The following COL9A2 variants were observed in gnomAD, a reference collection of about 807,000 sequenced individuals.
COL9A2 encodes collagen alpha-2(IX) chain.
A neutral mutation model predicts 111.6 loss-of-function variants in COL9A2; 66 were observed. The ratio of observed to expected loss-of-function variants is 0.59; its 90% CI spans 0.48 to 0.73. The LOEUF (loss-of-function observed/expected upper bound fraction) is 0.73, where lower values mean the gene tolerates loss of function less well. COL9A2 is among the 30% of genes least tolerant of loss of function. COL9A2 has a pLI of 0.00. For missense variants in COL9A2, 881 were observed against 954.1 expected (o/e 0.92, Z 1.01); for synonymous variants, 353 against 364.1 (o/e 0.97, Z 0.35).
chr1:40,302,933 CTTCCG>C lies in COL9A2; in HGVS notation c.1604-129_1604-125del. 8.7e-7 allele frequency: 1 copy of C among 1,152,712 alleles called. No individual in the cohort carries two copies. Among genetic ancestry groups the C allele is most frequent in the Non-Finnish European group, 1.2e-6 (1 of 800,270 alleles). The allele number at this position is 1,152,712 out of a possible 1,614,324, so 71.4% of individuals were successfully genotyped here. ...AGGTTTGCAGACAGAAAAGCACCAC[CTTCCG>C]TGGGCTCTGTTTTGCGGAAGTCAAA... is the stretch of plus-strand genomic sequence containing the variant. On this transcript the variant is annotated intron_variant, in intron 29 of 31. Transcript: ENST00000372748. The surrounding 1 kb of genome is among the most constrained non-coding windows in gnomAD (Gnocchi z 4.5).
Position 40,309,817 on chromosome 1 carries a change from C to T in COL9A2, c.846+121G>A, listed in dbSNP as rs1429650905. On this transcript the variant is annotated intron_variant, in intron 16 of 31. Transcript: ENST00000372748. Reference sequence around the variant, plus strand: ...CACACACACTACACACTCACACACACTACACATTCACACTCACGCACACAC... The same window carrying T: ...CACACACACTACACACTCACACACATTACACATTCACACTCACGCACACAC... 7.4e-6 allele frequency: 7 copies of T among 947,024 alleles called. No homozygotes were observed. In the African/African-American group the frequency reaches 9.6e-5, roughly 13 times the overall value. 58.7% of individuals were successfully genotyped at this position (947,024 alleles called of 1,614,324 possible). A position where few individuals can be genotyped will look rare whatever the true frequency, so the allele number is the denominator to read the frequency against.
At position 40,317,071 on chromosome 1, in the gene COL9A2, A is replaced by C; in HGVS notation, c.75+52T>G. The C allele has an allele frequency of 6.6e-7, 1 of 1,515,250 alleles. No individual in the cohort carries two copies. The highest frequency in any genetic ancestry group is 9.0e-7 in the Non-Finnish European group (1 of 1,114,246). 93.9% of individuals were successfully genotyped at this position (1,515,250 alleles called of 1,614,324 possible). On this transcript the variant is annotated intron_variant, in intron 1 of 31. Transcript: ENST00000372748. This position sits in a 1 kb window ranked among gnomAD's most constrained non-coding sequence, Gnocchi z 4.3. The stretch of plus-strand genomic sequence containing the variant: ...CACAGGCAGAGCTCCTCCATCCCGG[A>C]CTCCAGACCCCGCACCCTGGACCCT...
Position 40,303,890 on chromosome 1 carries a change from G to A in COL9A2, c.1368+38C>T. ...CGAAGCCGCGGGGACCCCGGGGCCA[G>A]CCGCCGCTCCCCGCCCTTCCCTAGG... On this transcript the variant is annotated intron_variant, in intron 26 of 31. Coordinates refer to ENST00000372748, the MANE Select transcript of COL9A2 (RefSeq NM_001852.4). The surrounding 1 kb of genome is among the most constrained non-coding windows in gnomAD (Gnocchi z 4.6). 6.5e-7 allele frequency: 1 copy of A among 1,549,020 alleles called. No individual in the cohort carries two copies. Among genetic ancestry groups the A allele is most frequent in the East Asian group, 2.4e-5 (1 of 40,972 alleles).
Position 40,314,153 on chromosome 1 carries a change from G to T in COL9A2, c.249+52C>A, listed in dbSNP as rs1644177423. The T allele has an allele frequency of 1.9e-6, 3 of 1,587,318 alleles. No individual in the cohort carries two copies. The highest frequency in any genetic ancestry group is 2.6e-6 in the Non-Finnish European group (3 of 1,156,404). On this transcript the variant is annotated intron_variant, in intron 4 of 31. Coordinates refer to ENST00000372748, the MANE Select transcript of COL9A2 (RefSeq NM_001852.4). The surrounding 1 kb of genome is among the most constrained non-coding windows in gnomAD (Gnocchi z 4.1). Reference sequence around the variant, plus strand: ...GTGAAGATGCCAGAGCCAGGCCCTGGAGGTCAATTGGCAGAGCCCTACCCT... The same window carrying T: ...GTGAAGATGCCAGAGCCAGGCCCTGTAGGTCAATTGGCAGAGCCCTACCCT...
chr1:40,306,019 G>T, intron 20 of COL9A2, 124 bp downstream of exon 20: 1 of 1,122,292 alleles, frequency 8.9e-7, no homozygotes, highest in Non-Finnish European at 1.3e-6. Flanking sequence ...GGAGGGAGGT[G>T]GTTAGGCCCA....
chr1:40,303,630 G>C lies in COL9A2; in HGVS notation c.1448C>G (p.Ala483Gly). The change falls in exon 28 of 32, where the codon GCG becomes GGG. Residue 483 changes from alanine to glycine, a missense_variant. Coordinates refer to ENST00000372748, the MANE Select transcript of COL9A2 (RefSeq NM_001852.4). The surrounding 1 kb of genome is among the most constrained non-coding windows in gnomAD (Gnocchi z 4.6). ...GTAGCCCTGAACCCCTGGGGCGCCC[G>C]CATCCCCGCTGGGGCCAGGGTAGCC... ...EPGYPGPSGD[A>G]GAPGVQGYPG... The C allele has an allele frequency of 1.3e-6, 2 of 1,592,990 alleles. No homozygotes were observed. The highest frequency in any genetic ancestry group is 1.7e-6 in the Non-Finnish European group (2 of 1,170,838).
At chr1:40,315,174 G>T (rs1275255639) in intron 2 of COL9A2, 1 of 981,468 alleles carries the variant, frequency 1.0e-6, no homozygotes, top group Non-Finnish European at 1.2e-6. Context: ...AGAGAAAACC[G>T]AAGGGAAGAG....
Position 40,311,418 on chromosome 1 carries a change from A to AC in COL9A2, c.519+81dup. The AC allele has an allele frequency of 1.9e-6, 3 of 1,542,046 alleles. No homozygotes were observed. The highest frequency in any genetic ancestry group is 2.6e-6 in the Non-Finnish European group (3 of 1,133,602). ...GCAGCCCCTCCCCATCTCTCCAGAC[A>AC]CCCCCATCTCCGTGGCCCCGCCTCC... is the stretch of plus-strand genomic sequence containing the variant. On this transcript the variant is annotated intron_variant, in intron 10 of 31. Coordinates refer to ENST00000372748, the MANE Select transcript of COL9A2 (RefSeq NM_001852.4). The surrounding 1 kb of genome is among the most constrained non-coding windows in gnomAD (Gnocchi z 5.1).
chr1:40,307,371 C>A lies in COL9A2; in HGVS notation c.1008+75G>T. 7.0e-7 allele frequency: 1 copy of A among 1,423,258 alleles called. No individual in the cohort carries two copies. Among genetic ancestry groups the A allele is most frequent in the Middle Eastern group, 1.8e-4 (1 of 5,426 alleles). 88.2% of individuals were successfully genotyped at this position (1,423,258 alleles called of 1,614,324 possible). ...CAAGAGGTGGTGATTGAGCAAGAGC[C>A]CCGGGTGTGTGTGGATTCTAACCTC... On this transcript the variant is annotated intron_variant, in intron 19 of 31. Transcript: ENST00000372748. This position sits in a 1 kb window ranked among gnomAD's most constrained non-coding sequence, Gnocchi z 4.8.
At chr1:40,306,070 G>T in intron 20 of COL9A2, 73 bp downstream of exon 20, 1 of 1,566,230 alleles carries the variant, frequency 6.4e-7, no homozygotes. Context: ...ACTTGGCTGA[G>T]GCCTGGGCCT....
In COL9A2 at chr1:40,302,008, A is replaced by G. The variant is rs766082169; in HGVS notation, c.1793-119T>C. ...TTTGTGCTAGTTTGTAATAGAGGAA[A>G]GTTGGAAATGGTCACGCAGGGCTTG... On this transcript the variant is annotated intron_variant, in intron 30 of 31. Transcript: ENST00000372748. This position sits in a 1 kb window ranked among gnomAD's most constrained non-coding sequence, Gnocchi z 4.5. 12 of 1,041,208 alleles carry G rather than the reference A, an allele frequency of 1.2e-5. No homozygotes were observed. Among genetic ancestry groups the G allele is most frequent in the Admixed American group, 6.0e-5 (3 of 49,950 alleles). The allele number at this position is 1,041,208 out of a possible 1,614,324, so 64.5% of individuals were successfully genotyped here. A position where few individuals can be genotyped will look rare whatever the true frequency, so the allele number is the denominator to read the frequency against.
chr1:40,304,221 C>A, intron 24 of COL9A2, 99 bp downstream of exon 24: 1 of 1,524,902 alleles, frequency 6.6e-7, no homozygotes, highest in Non-Finnish European at 8.8e-7. Context: ...ACCCTGAGAT[C>A]CGCAGGTTTG....
At position 40,302,853 on chromosome 1, in the gene COL9A2, G is replaced by A. The variant is rs3737820; in HGVS notation, c.1604-44C>T. 3,821 of 1,524,926 alleles carry A rather than the reference G, an allele frequency of 2.5e-3. 149 individuals carry two copies. The East Asian group carries it at 0.08, about 32-fold the overall frequency. 94.5% of individuals were successfully genotyped at this position (1,524,926 alleles called of 1,614,324 possible). A position where few individuals can be genotyped will look rare whatever the true frequency, so the allele number is the denominator to read the frequency against. On this transcript the variant is annotated intron_variant, in intron 29 of 31. Transcript: ENST00000372748. This position sits in a 1 kb window ranked among gnomAD's most constrained non-coding sequence, Gnocchi z 4.5. ...GGAGGGAGAGGGAAGTCTATGAGATGGGTGTCAGCAGTAACACTAGGGGAG... is the reference window on the plus strand; with the variant it reads ...GGAGGGAGAGGGAAGTCTATGAGATAGGTGTCAGCAGTAACACTAGGGGAG...
rs1644108014 is a variant in COL9A2 at position 40,310,654 on chromosome 1, C to T, written c.684+60G>A. 4 of 1,423,538 alleles carry T rather than the reference C, an allele frequency of 2.8e-6. No homozygotes were observed. Among genetic ancestry groups the T allele is most frequent in the Non-Finnish European group, 3.9e-6 (4 of 1,028,676 alleles). The allele number at this position is 1,423,538 out of a possible 1,614,324, so 88.2% of individuals were successfully genotyped here. A position where few individuals can be genotyped will look rare whatever the true frequency, so the allele number is the denominator to read the frequency against. Reference sequence around the variant, plus strand: ...GCTAGAGGCCTGAGCAGGGGAATGACTCCATGAAGGGCTCCTGGGGTGAGG... The same window carrying T: ...GCTAGAGGCCTGAGCAGGGGAATGATTCCATGAAGGGCTCCTGGGGTGAGG... On this transcript the variant is annotated intron_variant, in intron 13 of 31. Transcript: ENST00000372748. This position sits in a 1 kb window ranked among gnomAD's most constrained non-coding sequence, Gnocchi z 4.9.
chr1:40,304,046 A>C lies in COL9A2; in HGVS notation c.1323+18T>G, dbSNP rs186166446. On this transcript the variant is annotated intron_variant, in intron 25 of 31. Transcript: ENST00000372748. Reference sequence around the variant, plus strand: ...AGCAGGGTTGGGGGTCGCTGGGAACAGGGGTGCTGGAACTCACCACTTTGC... The same window carrying C: ...AGCAGGGTTGGGGGTCGCTGGGAACCGGGGTGCTGGAACTCACCACTTTGC... 930 of 1,578,890 alleles carry C rather than the reference A, an allele frequency of 5.9e-4. 6 individuals are homozygous for C. The African/African-American group carries it at 0.011, about 19-fold the overall frequency.
Position 40,315,674 on chromosome 1 carries a change from A to G in COL9A2, c.76-10T>C. 5 of 1,550,646 alleles carry G rather than the reference A, an allele frequency of 3.2e-6. No homozygotes were observed. Among genetic ancestry groups the G allele is most frequent in the Non-Finnish European group, 4.4e-6 (5 of 1,145,938 alleles). ...CTCCCGGTGGACCTCTCTGAAAAAC[A>G]CACACGGGGTGGGGCAGTCCTCAGA... On this transcript the variant is annotated splice_polypyrimidine_tract_variant and intron_variant, in intron 1 of 31. Coordinates refer to ENST00000372748, the MANE Select transcript of COL9A2 (RefSeq NM_001852.4).
Position 40,301,398 on chromosome 1 carries a change from G to A in COL9A2, c.1871-17C>T. The A allele has an allele frequency of 6.2e-7, 1 of 1,600,722 alleles. No homozygotes were observed. The stretch of plus-strand genomic sequence containing the variant: ...CAGGGAGTCCTGTGAACAGGAGAAA[G>A]TCAAGACATTAGGGGCACCTCTTGT... On this transcript the variant is annotated splice_polypyrimidine_tract_variant and intron_variant, in intron 31 of 31. Coordinates refer to ENST00000372748, the MANE Select transcript of COL9A2 (RefSeq NM_001852.4).
Position 40,312,027 on chromosome 1 carries a change from G to A in COL9A2, c.417+32C>T, listed in dbSNP as rs1374627675. ...TTGCCAGCTTGGAGATAGAAGGCAG[G>A]AGGCAGTGAACAGAGGGTGGCTGAG... On this transcript the variant is annotated intron_variant, in intron 8 of 31. Coordinates refer to ENST00000372748, the MANE Select transcript of COL9A2 (RefSeq NM_001852.4). The surrounding 1 kb of genome is among the most constrained non-coding windows in gnomAD (Gnocchi z 6.0). The A allele has an allele frequency of 2.5e-6, 4 of 1,589,008 alleles. No individual in the cohort carries two copies. The highest frequency in any genetic ancestry group is 1.2e-5 in the South Asian group (1 of 86,864).
At position 40,310,382 on chromosome 1, in the gene COL9A2, T is replaced by A. The variant is rs3737818; in HGVS notation, c.685-65A>T. 54,195 of 1,513,324 alleles carry A rather than the reference T, an allele frequency of 0.036. 1,718 individuals are homozygous for A. Among genetic ancestry groups the A allele is most frequent in the East Asian group, 0.14 (6,127 of 44,386 alleles). 93.7% of individuals were successfully genotyped at this position (1,513,324 alleles called of 1,614,324 possible). On this transcript the variant is annotated intron_variant, in intron 13 of 31. Transcript: ENST00000372748. The surrounding 1 kb of genome is among the most constrained non-coding windows in gnomAD (Gnocchi z 4.9). ...GCCCACTTCATGATACCTTGTCTGA[T>A]GCCCACCTTCAATCTTACAGTGCCC...
Sources: allele counts gnomAD v4.1 joint callset, GRCh38; gene constraint gnomAD v4.1.1; non-coding constraint Gnocchi (gnomAD v3.1); transcripts MANE v1.5; gene names NCBI Gene and HGNC (gene_info 2026-07-23, HGNC 2026-07-21).